The following ROPN1L variants were observed in gnomAD, a reference collection of about 807,000 sequenced individuals.
The protein encoded by ROPN1L is rhophilin associated tail protein 1 like, also known as ropporin-1-like protein.
Under a neutral mutation model 22.7 loss-of-function variants are expected in ROPN1L, and 23 were observed. The ratio of observed to expected loss-of-function variants is 1.01; its 90% CI spans 0.73 to 1.43. The LOEUF is 1.43. ROPN1L is among the 40% of genes most tolerant of loss of function. The pLI is 0.00. For synonymous variants in ROPN1L, 116 were observed against 117.8 expected (o/e 0.98, Z 0.10); for missense variants, 271 against 291.5 (o/e 0.93, Z 0.51).
chr5:10,458,801 CG>C (rs144787488), intron 3 of ROPN1L, among the ~76,000 whole-genome samples: 2 of 18,908 alleles, frequency 1.1e-4, no homozygotes, highest in African/African-American at 1.7e-4. Flanking sequence ...TACACCATCC[CG>C]CCCATGTACA....
intron 3 of ROPN1L, among the ~76,000 whole-genome samples, chr5:10,456,871 C>T (rs924444299): frequency 6.6e-5 from 10 of 152,316 alleles, no homozygotes; most frequent in African/African-American, 1.4e-4. Flanking sequence ...TGGAACGGCG[C>T]GTTACACAGA....
chr5:10,465,652 C>T (rs1401970143), downstream of ROPN1L, among the ~76,000 whole-genome samples: 1 of 152,014 alleles, frequency 6.6e-6, no homozygotes, highest in Non-Finnish European at 1.5e-5. Flanking sequence ...AGTTTGAGAG[C>T]AGCCTGGCTA....
Position 10,442,219 on chromosome 5 carries a change from G to A in ROPN1L, c.52G>A (p.Glu18Lys), listed in dbSNP as rs145970601. 8.1e-6 allele frequency: 13 copies of A among 1,613,722 alleles called. No homozygotes were observed. The African/African-American group carries it at 1.5e-4, about 18-fold the overall frequency. ...FCAQQIHIPP[E>K]LPDILKQFTK... ...CGCTCAGCAGATCCACATTCCCCCG[G>A]AGCTGCCGGACATCCTGAAGCAATT... Residue 18 changes from glutamate to lysine, a missense_variant, in exon 1 of 5, where the codon GAG becomes AAG. Glu to Lys is a moderately conservative substitution (Grantham distance 56). Transcript: ENST00000274134.
intron 2 of ROPN1L, 66 bp downstream of exon 2, chr5:10,448,449 A>G (rs1741150567): frequency 2.5e-6 from 4 of 1,594,806 alleles, no homozygotes; most frequent in Admixed American, 3.4e-5. Context: ...TTCACTGTGC[A>G]TTGATGACAG....
chr5:10,443,530 G>T (rs1489025033), intron 1 of ROPN1L, among the ~76,000 whole-genome samples: 1 of 151,852 alleles, frequency 6.6e-6, no homozygotes, highest in Non-Finnish European at 1.5e-5. Flanking sequence ...GCTGAGGCAG[G>T]AGAATGGCGT....
chr5:10,472,821 C>T (rs1420628121), downstream of ROPN1L, among the ~76,000 whole-genome samples: 1 of 152,132 alleles, frequency 6.6e-6, no homozygotes, highest in Non-Finnish European at 1.5e-5. Context: ...ACCTCATAGC[C>T]ATTATAGATA....
At chr5:10,460,479 G>A (rs1343786382) in intron 3 of ROPN1L, among the ~76,000 whole-genome samples, 1 of 152,172 alleles carries the variant, frequency 6.6e-6, no homozygotes, top group African/African-American at 2.4e-5. Flanking sequence ...AGTGTCTGCC[G>A]TGTGGAGGCA....
In ROPN1L at chr5:10,451,069, T is replaced by C. The variant is rs1263201225; in HGVS notation, c.417+956T>C. On this transcript the variant is annotated intron_variant, in intron 3 of 4. Transcript: ENST00000274134. ...AACCAGGCATCTGCCATGTGAAGCT[T>C]ATGAAGAAAGGAGGCAGAGAAAGGA... Among the ~76,000 whole-genome samples, 6 of 152,214 alleles carry C rather than the reference T, an allele frequency of 3.9e-5. No individual in the cohort carries two copies. The East Asian group carries it at 9.6e-4, about 24-fold the overall frequency.
chr5:10,474,952 T>C (rs569919968), downstream of ROPN1L, among the ~76,000 whole-genome samples: 3 of 152,296 alleles, frequency 2.0e-5, no homozygotes, highest in South Asian at 6.2e-4. Flanking sequence ...TAAAAGTCTC[T>C]AAAGAAAATA....
intron 3 of ROPN1L, among the ~76,000 whole-genome samples, chr5:10,452,610 T>A (rs1321954510): frequency 2.0e-5 from 3 of 152,046 alleles, no homozygotes; most frequent in African/African-American, 7.2e-5. Flanking sequence ...AATGCTGGGA[T>A]TACAGGTGTG....
In ROPN1L at chr5:10,464,891, T is replaced by C. The variant is rs540931961; in HGVS notation, c.637T>C (p.Phe213Leu). Reference sequence around the variant, plus strand: ...CATGATAGGTCTTTCAGATTTCTTCTTTCCAAAGAGGAAACTTTTAGAAAG... The same window carrying C: ...CATGATAGGTCTTTCAGATTTCTTCCTTCCAAAGAGGAAACTTTTAGAAAG... ...NGMIGLSDFF[F>L]PKRKLLESIE... is the part of the protein sequence containing the mutation. Residue 213 changes from phenylalanine (F) to leucine (L), a missense_variant, in exon 5 of 5, where the codon TTT becomes CTT. Transcript: ENST00000274134. The C allele has an allele frequency of 4.4e-6, 7 of 1,608,820 alleles. No individual in the cohort carries two copies. Among genetic ancestry groups the C allele is most frequent in the African/African-American group, 2.7e-5 (2 of 74,870 alleles).
At chr5:10,456,861 T>C (rs367754222) in intron 3 of ROPN1L, among the ~76,000 whole-genome samples, 22 of 152,310 alleles carry the variant, frequency 1.4e-4, no homozygotes, top group Non-Finnish European at 2.8e-4. Flanking sequence ...TCTGAAGCCT[T>C]GGAACGGCGC....
chr5:10,443,430 G>A, intron 1 of ROPN1L, among the ~76,000 whole-genome samples: 1 of 151,594 alleles, frequency 6.6e-6, no homozygotes, highest in Admixed American at 6.6e-5. Context: ...AGACCATCCT[G>A]GCTAACAAGG....
At chr5:10,474,627 A>G (rs920476244), downstream of ROPN1L, among the ~76,000 whole-genome samples, 1 of 152,274 alleles carries the variant, frequency 6.6e-6, no homozygotes, top group African/African-American at 2.4e-5. Flanking sequence ...GGCCCACGCC[A>G]TGATGAGGTT....
At chr5:10,472,944 C>T (rs910357214), downstream of ROPN1L, among the ~76,000 whole-genome samples, 6 of 152,282 alleles carry the variant, frequency 3.9e-5, no homozygotes, top group Middle Eastern at 3.4e-3. Context: ...TCTACACTAA[C>T]GGGGTGAGGA....
chr5:10,476,567 T>C (rs1735320488), downstream of ROPN1L, among the ~76,000 whole-genome samples: 1 of 152,212 alleles, frequency 6.6e-6, no homozygotes, highest in Non-Finnish European at 1.5e-5. Context: ...TGTTTGCATG[T>C]GGAACAACGA....
Position 10,461,229 on chromosome 5 carries a change from G to A in ROPN1L, c.463G>A (p.Asp155Asn), listed in dbSNP as rs1190893461. The change falls in exon 4 of 5, where the codon GAT becomes AAT. Residue 155 changes from aspartate to asparagine, a missense_variant. Asp to Asn is a conservative substitution (Grantham distance 23). Coordinates refer to ENST00000274134, the MANE Select transcript of ROPN1L (RefSeq NM_031916.5). ...GCACCTGTGCGAGATCCTCACGGAC[G>A]ATCCGGAGGGCGGGCCCGCTCGCAT... ...LKHLCEILTD[D>N]PEGGPARIPF... 5.0e-6 allele frequency: 8 copies of A among 1,614,002 alleles called. No homozygotes were observed. Among genetic ancestry groups the A allele is most frequent in the Middle Eastern group, 1.6e-4 (1 of 6,082 alleles).
intron 2 of ROPN1L, among the ~76,000 whole-genome samples, chr5:10,449,380 G>A (rs183016435): frequency 5.9e-5 from 9 of 152,174 alleles, no homozygotes; most frequent in East Asian, 1.9e-4. Context: ...TTAACAGGGC[G>A]TGGTGGTGCG....
At chr5:10,447,856 G>A (rs1217480469) in intron 1 of ROPN1L, among the ~76,000 whole-genome samples, 1 of 152,170 alleles carries the variant, frequency 6.6e-6, no homozygotes, top group African/African-American at 2.4e-5. Context: ...ACTCCAGCCT[G>A]GGTGACAGAG....
Sources: gnomAD v4.1 joint callset for allele counts (sites outside exome capture counted in the v4.1 genomes callset) on GRCh38, gnomAD v4.1.1 for gene constraint, MANE v1.5 for transcripts, NCBI Gene and HGNC (gene_info 2026-07-23, HGNC 2026-07-21) for gene names.